SNX29: variants seen among roughly 807,000 people sequenced by gnomAD.
SNX29 encodes the protein sorting nexin-29.
Under a neutral mutation model 102.1 loss-of-function variants are expected in SNX29, and 78 were observed. The observed-to-expected ratio is 0.76, with a 90% CI of 0.64 to 0.92. The LOEUF is 0.92. SNX29 is among the 40% of genes least tolerant of loss of function. SNX29 has a pLI of 0.00. For synonymous variants in SNX29, 580 were observed against 414.5 expected, an observed-to-expected ratio of 1.40 and a Z score of -4.85; for missense variants, 1,280 against 1,061.7, an observed-to-expected ratio of 1.21 and a Z score of -2.86.
chr16:12,567,260 T>A (rs1295889559), intron 20 of SNX29, among the ~76,000 whole-genome samples: 1 of 152,144 alleles, frequency 6.6e-6, no homozygotes, highest in East Asian at 1.9e-4. Context: ...TGTCTTCCCT[T>A]GTAGGGTCCA....
Position 12,572,036 on chromosome 16 carries a change from A to G in SNX29, c.*3407A>G, listed in dbSNP as rs532309261. The G allele has an allele frequency of 6.6e-6, 7 of 1,063,224 alleles. No homozygotes were observed. Among genetic ancestry groups the G allele is most frequent in the Middle Eastern group, 8.4e-4 (2 of 2,388 alleles). 65.9% of individuals were successfully genotyped at this position (1,063,224 alleles called of 1,614,324 possible). A position where few individuals can be genotyped will look rare whatever the true frequency, so the allele number is the denominator to read the frequency against. ...CTGCTGGCTATAAAAGGGATCATCC[A>G]GTGGAGTTGTAAACAAGGGAACCAT... is the stretch of plus-strand genomic sequence containing the variant. On this transcript the variant is annotated 3_prime_UTR_variant, in exon 21 of 21. Coordinates refer to ENST00000566228, the MANE Select transcript of SNX29 (RefSeq NM_032167.5).
At chr16:12,100,004 C>T (rs547762901) in intron 11 of SNX29, among the ~76,000 whole-genome samples, 2 of 152,268 alleles carry the variant, frequency 1.3e-5, no homozygotes, top group East Asian at 1.9e-4. Context: ...CCCCATGCAG[C>T]GGCTACTGTT....
At chr16:12,527,575 C>G (rs1018869413) in intron 20 of SNX29, among the ~76,000 whole-genome samples, 4 of 152,156 alleles carry the variant, frequency 2.6e-5, no homozygotes, top group Non-Finnish European at 5.9e-5. Flanking sequence ...GCACCCATCT[C>G]ATCTCGTCTT....
chr16:12,304,946 T>C (rs1168421813), intron 15 of SNX29, among the ~76,000 whole-genome samples: 1 of 152,194 alleles, frequency 6.6e-6, no homozygotes. Flanking sequence ...TTACTAATTT[T>C]CCAAGAATGA....
chr16:12,491,750 A>G (rs887225782), intron 19 of SNX29, among the ~76,000 whole-genome samples: 5 of 151,984 alleles, frequency 3.3e-5, no homozygotes, highest in African/African-American at 7.3e-5. Context: ...TCATTGTTCA[A>G]TTCCCACCTA....
At chr16:12,274,975 A>G (rs1309233593) in intron 14 of SNX29, among the ~76,000 whole-genome samples, 1 of 151,996 alleles carries the variant, frequency 6.6e-6, no homozygotes. Flanking sequence ...TTTGCTTTTG[A>G]AGTGTTTTCC....
intron 19 of SNX29, among the ~76,000 whole-genome samples, chr16:12,478,682 T>C (rs187195470): frequency 1.3e-5 from 2 of 152,318 alleles, no homozygotes; most frequent in African/African-American, 2.4e-5. Flanking sequence ...GGCATCATGA[T>C]GTCACTCCTC....
intron 14 of SNX29, among the ~76,000 whole-genome samples, chr16:12,254,028 C>T (rs1219457589): frequency 6.6e-6 from 1 of 152,100 alleles, no homozygotes; most frequent in Non-Finnish European, 1.5e-5. Flanking sequence ...GTACCAGATG[C>T]CTCCAGGGCA....
chr16:12,431,958 C>G (rs1359072781), intron 18 of SNX29, among the ~76,000 whole-genome samples: 5 of 152,338 alleles, frequency 3.3e-5, no homozygotes, highest in African/African-American at 9.6e-5. Flanking sequence ...CTTCTGTGCC[C>G]TGGGGATATA....
intron 15 of SNX29, among the ~76,000 whole-genome samples, chr16:12,290,149 T>C (rs947654565): frequency 1.8e-4 from 28 of 152,212 alleles, no homozygotes; most frequent in African/African-American, 6.8e-4. Flanking sequence ...TGGCTCACTT[T>C]AGCATTTAGG....
intron 15 of SNX29, among the ~76,000 whole-genome samples, chr16:12,325,400 C>G (rs989793094): frequency 6.6e-6 from 1 of 152,138 alleles, no homozygotes; most frequent in Non-Finnish European, 1.5e-5. Flanking sequence ...TCTGGCAGCT[C>G]TTATTTGAAG....
At chr16:12,490,033 T>G (rs2088463879) in intron 19 of SNX29, among the ~76,000 whole-genome samples, 1 of 152,200 alleles carries the variant, frequency 6.6e-6, no homozygotes, top group African/African-American at 2.4e-5. Flanking sequence ...CTCAAACTCC[T>G]GGCCTCAAGT....
At chr16:12,147,435 A>G (rs2055110546) in intron 13 of SNX29, among the ~76,000 whole-genome samples, 1 of 152,246 alleles carries the variant, frequency 6.6e-6, no homozygotes, top group Non-Finnish European at 1.5e-5. Flanking sequence ...TTTCCCATTC[A>G]TTAATGCTTC....
chr16:12,271,730 C>A (rs771346938), intron 14 of SNX29, among the ~76,000 whole-genome samples: 14 of 151,794 alleles, frequency 9.2e-5, no homozygotes, highest in Non-Finnish European at 4.4e-5. Flanking sequence ...TCAAGTGATT[C>A]TCCTGCCTAA....
chr16:12,221,108 T>G (rs914691694), intron 14 of SNX29, among the ~76,000 whole-genome samples: 2 of 150,338 alleles, frequency 1.3e-5, no homozygotes, highest in African/African-American at 5.0e-5. Flanking sequence ...ATGATGAAGT[T>G]TTTTTTTCTT....
chr16:12,541,618 C>T (rs142180703), intron 20 of SNX29, among the ~76,000 whole-genome samples: 7 of 152,200 alleles, frequency 4.6e-5, no homozygotes, highest in African/African-American at 7.2e-5. Context: ...GGCCACATCT[C>T]TGTCGGGGTC....
At chr16:12,152,775 T>C (rs774436948) in intron 13 of SNX29, among the ~76,000 whole-genome samples, 1 of 152,214 alleles carries the variant, frequency 6.6e-6, no homozygotes, top group Non-Finnish European at 1.5e-5. Context: ...ATTTTTTACA[T>C]TTTCCGGGTG....
At chr16:12,207,228 G>A (rs1237414385) in intron 14 of SNX29, among the ~76,000 whole-genome samples, 1 of 152,110 alleles carries the variant, frequency 6.6e-6, no homozygotes, top group Non-Finnish European at 1.5e-5. Context: ...AATTAGCTAG[G>A]TGTGGTGGCA....
intron 13 of SNX29, chr16:12,135,472 A>C: frequency 2.3e-6 from 3 of 1,290,464 alleles, no homozygotes; most frequent in Non-Finnish European, 3.1e-6. Flanking sequence ...GCATGTGACC[A>C]GGATGGTCTG....
Sources: gnomAD v4.1 joint callset for allele counts (sites outside exome capture counted in the v4.1 genomes callset) on GRCh38, gnomAD v4.1.1 for gene constraint, MANE v1.5 for transcripts, NCBI Gene and HGNC (gene_info 2026-07-23, HGNC 2026-07-21) for gene names.